The following LYPD1 variants were observed in gnomAD, a reference collection of about 807,000 sequenced individuals.
LYPD1 encodes the protein ly6/PLAUR domain-containing protein 1.
In LYPD1, 14 loss-of-function variants were observed where a neutral mutation model predicts 14.2. The observed-to-expected ratio is 0.99, with a 90% CI of 0.65 to 1.54. The LOEUF (loss-of-function observed/expected upper bound fraction) is 1.54, where lower values mean the gene tolerates loss of function less well. LYPD1 is among the 40% of genes most tolerant of loss of function. The pLI, the probability that LYPD1 is intolerant of heterozygous loss-of-function variation, is 0.00. For missense variants in LYPD1, 165 were observed against 175.7 expected, an observed-to-expected ratio of 0.94 and a Z score of 0.34; for synonymous variants, 85 against 70.6, an observed-to-expected ratio of 1.20 and a Z score of -1.02.
chr2:132,652,613 C>T (rs1682399644), intron 2 of LYPD1, among the ~76,000 whole-genome samples: 1 of 152,170 alleles, frequency 6.6e-6, no homozygotes, highest in Non-Finnish European at 1.5e-5. Context: ...GCCGCCCTAC[C>T]CTGCAGAGGC....
In LYPD1 at chr2:132,645,265, C is replaced by A; in HGVS notation, c.*780G>T. The A allele has an allele frequency of 6.2e-7, 1 of 1,614,178 alleles. No homozygotes were observed. The highest frequency in any genetic ancestry group is 1.1e-5 in the South Asian group (1 of 91,068). On this transcript the variant is annotated 3_prime_UTR_variant, in exon 3 of 3. Transcript: ENST00000397463. The stretch of plus-strand genomic sequence containing the variant: ...TTTCTACCTCAGCTCGGTCATCAAC[C>A]CGCTCCTGTACACGGTGTCCTCGCA...
intron 2 of LYPD1, among the ~76,000 whole-genome samples, chr2:132,650,134 ATAAC>A (rs1301024858): frequency 4.6e-5 from 7 of 152,372 alleles, no homozygotes; most frequent in African/African-American, 1.4e-4. Context: ...TAAGGAATAA[ATAAC>A]TCATTAGAAA....
chr2:132,669,775 C>G lies in LYPD1; in HGVS notation c.52+106G>C. 6.6e-7 allele frequency: 1 copy of G among 1,513,410 alleles called. No homozygotes were observed. The allele number at this position is 1,513,410 out of a possible 1,614,324, so 93.7% of individuals were successfully genotyped here. A position where few individuals can be genotyped will look rare whatever the true frequency, so the allele number is the denominator to read the frequency against. On this transcript the variant is annotated intron_variant, in intron 1 of 2. Coordinates refer to ENST00000397463, the MANE Select transcript of LYPD1 (RefSeq NM_144586.7). This position sits in a 1 kb window ranked among gnomAD's most constrained non-coding sequence, Gnocchi z 4.3. Reference sequence around the variant, plus strand: ...GGCCGCCAACTCCCGCTGGGCAGCCCCAGCGCAGGGCTGGCCCCGAGGTGG... The same window carrying G: ...GGCCGCCAACTCCCGCTGGGCAGCCGCAGCGCAGGGCTGGCCCCGAGGTGG...
At chr2:132,651,797 G>A (rs920204405) in intron 2 of LYPD1, among the ~76,000 whole-genome samples, 8 of 152,248 alleles carry the variant, frequency 5.3e-5, no homozygotes, top group African/African-American at 1.9e-4. Context: ...GGATGTGTGT[G>A]CACACATGTA....
intron 2 of LYPD1, chr2:132,666,550 A>G (rs1380335332): frequency 6.6e-6 from 1 of 152,178 alleles, no homozygotes; most frequent in Non-Finnish European, 1.5e-5. Context: ...GTTTGGAGAC[A>G]AGGTACCTAC....
At chr2:132,646,315 G>T in intron 2 of LYPD1, 35 bp from the exon 3 acceptor site, 1 of 1,370,568 alleles carries the variant, frequency 7.3e-7, no homozygotes, top group Non-Finnish European at 9.6e-7. Context: ...GAGTTAACGT[G>T]CACCGGCAAA....
chr2:132,648,787 G>A (rs1194247055), intron 2 of LYPD1, among the ~76,000 whole-genome samples: 1 of 152,128 alleles, frequency 6.6e-6, no homozygotes, highest in Non-Finnish European at 1.5e-5. Flanking sequence ...GAAGGGGAAG[G>A]TTGACAGCTC....
upstream of LYPD1, among the ~76,000 whole-genome samples, chr2:132,670,745 G>A (rs1208613698): frequency 6.6e-6 from 1 of 152,100 alleles, no homozygotes; most frequent in Admixed American, 6.5e-5. The surrounding 1 kb of genome is among the most constrained non-coding windows in gnomAD (Gnocchi z 4.5). Context: ...CTGTGCAGCT[G>A]TGCCCCCTCT....
intron 2 of LYPD1, among the ~76,000 whole-genome samples, chr2:132,654,101 T>C (rs1682457294): frequency 1.3e-5 from 2 of 152,232 alleles, no homozygotes; most frequent in African/African-American, 4.8e-5. Context: ...CAATGTTAAT[T>C]TCCTAGCCTT....
intron 2 of LYPD1, among the ~76,000 whole-genome samples, chr2:132,654,488 A>G (rs765992225): frequency 1.3e-5 from 2 of 152,030 alleles, no homozygotes; most frequent in Admixed American, 1.3e-4. Context: ...GCAGTGAAAT[A>G]CGCTTGACCA....
At chr2:132,647,086 A>ACTAGCTAAACTTTTAT (rs1229733639) in intron 2 of LYPD1, among the ~76,000 whole-genome samples, 7 of 152,246 alleles carry the variant, frequency 4.6e-5, no homozygotes, top group Non-Finnish European at 7.3e-5. Flanking sequence ...TTCAAATAAT[A>ACTAGCTAAACTTTTAT]CTAGCTAAAC....
At position 132,645,690 on chromosome 2, in the gene LYPD1, C is replaced by A; in HGVS notation, c.*355G>T. On this transcript the variant is annotated 3_prime_UTR_variant, in exon 3 of 3. Coordinates refer to ENST00000397463, the MANE Select transcript of LYPD1 (RefSeq NM_144586.7). Reference sequence around the variant, plus strand: ...TCTCACTCTGCAGTCTCAAACTATGCCCCCATCAGGGATGGAATGGACACT... The same window carrying A: ...TCTCACTCTGCAGTCTCAAACTATGACCCCATCAGGGATGGAATGGACACT... 1.3e-6 allele frequency: 2 copies of A among 1,506,314 alleles called. No individual in the cohort carries two copies. Among genetic ancestry groups the A allele is most frequent in the South Asian group, 1.3e-5 (1 of 75,746 alleles). 93.3% of individuals were successfully genotyped at this position (1,506,314 alleles called of 1,614,324 possible). A position where few individuals can be genotyped will look rare whatever the true frequency, so the allele number is the denominator to read the frequency against.
chr2:132,660,146 A>C (rs554488297), intron 2 of LYPD1, among the ~76,000 whole-genome samples: 1 of 152,358 alleles, frequency 6.6e-6, no homozygotes, highest in Non-Finnish European at 1.5e-5. Context: ...GAAAAACATA[A>C]AAAGCTATTG....
intron 2 of LYPD1, among the ~76,000 whole-genome samples, chr2:132,649,413 A>T (rs559605404): frequency 6.6e-6 from 1 of 152,288 alleles, no homozygotes; most frequent in African/African-American, 2.4e-5. Flanking sequence ...CACCTCTCCC[A>T]TGGCTTCAGA....
rs536280136 is a variant in LYPD1 at position 132,662,427 on chromosome 2, G to T, written c.190+5973C>A. On this transcript the variant is annotated intron_variant, in intron 2 of 2. Transcript: ENST00000397463. ...CAAATGTGAAGAACCTAGAACATAG[G>T]GGTTCTCTCCCCTAAGGGAGCCAAT... Among the ~76,000 whole-genome samples, 3 of 152,284 alleles carry T rather than the reference G, an allele frequency of 2.0e-5. No homozygotes were observed. The South Asian group carries it at 6.2e-4, about 32-fold the overall frequency.
chr2:132,665,058 A>AC lies in LYPD1; in HGVS notation c.190+3341dup, dbSNP rs150178340. ...GAACCTTCCCTTCCCCACAGCCAGT[A>AC]CCTTATTATTCCAGAAATGACCAAA... On this transcript the variant is annotated intron_variant, in intron 2 of 2. Coordinates refer to ENST00000397463, the MANE Select transcript of LYPD1 (RefSeq NM_144586.7). Among the ~76,000 whole-genome samples the AC allele has an allele frequency of 7.9e-4, 121 of 152,368 alleles. No homozygotes were observed. The East Asian group carries it at 0.022, about 27-fold the overall frequency.
intron 2 of LYPD1, among the ~76,000 whole-genome samples, chr2:132,646,870 G>T (rs1427019862): frequency 6.6e-6 from 1 of 152,160 alleles, no homozygotes. Context: ...CTTATTCTAA[G>T]GAGAAACGCT....
At position 132,645,167 on chromosome 2, in the gene LYPD1, C is replaced by A; in HGVS notation, c.*878G>T. ...CAGATTCGGAGGATCATGGCTGCGG[C>A]CAAACCCAAGCACGACTGGACGAGG... On this transcript the variant is annotated 3_prime_UTR_variant, in exon 3 of 3. Coordinates refer to ENST00000397463, the MANE Select transcript of LYPD1 (RefSeq NM_144586.7). 6.2e-7 allele frequency: 1 copy of A among 1,614,174 alleles called. No homozygotes were observed. Among genetic ancestry groups the A allele is most frequent in the Non-Finnish European group, 8.5e-7 (1 of 1,180,036 alleles).
rs1389890325 is a variant in LYPD1 at position 132,655,542 on chromosome 2, TCTCG to T, written c.191-9266_191-9263del. On this transcript the variant is annotated intron_variant, in intron 2 of 2. Coordinates refer to ENST00000397463, the MANE Select transcript of LYPD1 (RefSeq NM_144586.7). ...TTTTTTTTTTTTTTTTGAGATGGAGTCTCGCTCTGTCGCCCAGGCTGGAGTGCAG... is the reference window on the plus strand; with the variant it reads ...TTTTTTTTTTTTTTTTGAGATGGAGTCTCTGTCGCCCAGGCTGGAGTGCAG... Among the ~76,000 whole-genome samples the T allele has an allele frequency of 6.4e-5, 6 of 93,570 alleles. No homozygotes were observed. The East Asian group carries it at 1.4e-3, about 22-fold the overall frequency. 61.4% of individuals were successfully genotyped at this position (93,570 alleles called of 152,430 possible). A position where few individuals can be genotyped will look rare whatever the true frequency, so the allele number is the denominator to read the frequency against.
Sources: allele counts gnomAD v4.1 joint callset (sites outside exome capture counted in the v4.1 genomes callset), GRCh38; gene constraint gnomAD v4.1.1; non-coding constraint Gnocchi (gnomAD v3.1); transcripts MANE v1.5; gene names NCBI Gene and HGNC (gene_info 2026-07-23, HGNC 2026-07-21).